The following PRDM1 variants were observed in gnomAD, a reference collection of about 807,000 sequenced individuals.
The protein encoded by PRDM1 is PR/SET domain 1, also known as PR domain zinc finger protein 1.
A neutral mutation model predicts 62.8 loss-of-function variants in PRDM1; 13 were observed. The observed-to-expected ratio is 0.21, with a 90% CI of 0.13 to 0.33. The LOEUF (loss-of-function observed/expected upper bound fraction) is 0.33, where lower values mean the gene tolerates loss of function less well. Ranked by LOEUF, PRDM1 falls within the 10% of genes least tolerant of loss-of-function variation. The pLI, the probability that PRDM1 is intolerant of heterozygous loss-of-function variation, is 1.00. For missense variants in PRDM1, 895 were observed against 1,058.8 expected, an observed-to-expected ratio of 0.85 and a Z score of 2.15; for synonymous variants, 396 against 417.6, an observed-to-expected ratio of 0.95 and a Z score of 0.63.
At chr6:106,053,620 A>T (rs1489255672) in intron 1 of PRDM1, among the ~76,000 whole-genome samples, 2 of 152,114 alleles carry the variant, frequency 1.3e-5, no homozygotes, top group Non-Finnish European at 2.9e-5. Flanking sequence ...AAATACACTT[A>T]TTGGCACCCA....
intron 1 of PRDM1, among the ~76,000 whole-genome samples, chr6:106,041,738 A>G (rs781392835): frequency 6.6e-6 from 1 of 152,032 alleles, no homozygotes; most frequent in African/African-American, 2.4e-5. Context: ...AACCATCCAT[A>G]ATTCCTCCAC....
chr6:106,085,662 C>T (rs1773780362), upstream of PRDM1, among the ~76,000 whole-genome samples: 1 of 152,186 alleles, frequency 6.6e-6, no homozygotes, highest in African/African-American at 2.4e-5. Flanking sequence ...TGTGAAACGA[C>T]TAATGCTCTA....
In PRDM1 at chr6:106,104,837, G is replaced by C. The variant is rs1450309746; in HGVS notation, c.677G>C (p.Ser226Thr). The part of the protein sequence containing the change: ...LTMMNLTQTQ[S>T]SLKQPSTEKN... ...TTCTTTATTTCAGCACAAACACAGA[G>C]CAGTCTAAAGCAACCGAGCACTGAG... Residue 226 changes from serine (S) to threonine (T), a missense_variant, in exon 5 of 7, where the codon AGC becomes ACC. By Grantham distance (58) the Ser-to-Thr change is moderately conservative. Transcript: ENST00000369096. 6.2e-7 allele frequency: 1 copy of C among 1,612,644 alleles called. No individual in the cohort carries two copies. The highest frequency in any genetic ancestry group is 2.2e-5 in the East Asian group (1 of 44,876).
upstream of PRDM1, among the ~76,000 whole-genome samples, chr6:106,083,382 GAAAAAAAAGTTCCTTTCGA>G (rs1773728125): frequency 6.7e-6 from 1 of 150,074 alleles, no homozygotes; most frequent in African/African-American, 2.5e-5. Context: ...TTTACCTTAG[GAAAAAAAAGTTCCTTTCGA>G]AAAAAAAAAT....
intron 1 of PRDM1, among the ~76,000 whole-genome samples, chr6:106,040,383 T>C (rs2114574782): frequency 6.6e-6 from 1 of 152,326 alleles, no homozygotes; most frequent in African/African-American, 2.4e-5. Flanking sequence ...TTAGCACACA[T>C]GAATACGAGC....
chr6:106,071,663 C>A (rs920271940), intron 1 of PRDM1, among the ~76,000 whole-genome samples: 7 of 152,146 alleles, frequency 4.6e-5, no homozygotes, highest in African/African-American at 1.7e-4. Context: ...AGGTCCTTGG[C>A]CTCATTATCC....
intron 1 of PRDM1, among the ~76,000 whole-genome samples, chr6:106,022,261 A>G (rs1219027474): frequency 6.6e-6 from 1 of 152,052 alleles, no homozygotes; most frequent in East Asian, 1.9e-4. Flanking sequence ...TAGTTCATTG[A>G]TTTAGGTTAG....
chr6:106,070,340 G>C (rs879872613), intron 1 of PRDM1, among the ~76,000 whole-genome samples: 2 of 152,088 alleles, frequency 1.3e-5, no homozygotes, highest in African/African-American at 4.8e-5. Context: ...TTTTGTATCT[G>C]CTTTTTTAAT....
chr6:106,004,868 C>T (rs1772465606), intron 1 of PRDM1, among the ~76,000 whole-genome samples: 1 of 152,048 alleles, frequency 6.6e-6, no homozygotes, highest in Admixed American at 6.6e-5. Context: ...GTATCCTTAT[C>T]AGTTTATCAA....
At chr6:106,043,365 CAT>C (rs1258617816) in intron 1 of PRDM1, among the ~76,000 whole-genome samples, 3 of 152,142 alleles carry the variant, frequency 2.0e-5, no homozygotes, top group African/African-American at 7.2e-5. Context: ...TGCTGAATAT[CAT>C]ATACCCACTG....
chr6:106,044,667 G>A (rs759006178), upstream of PRDM1, among the ~76,000 whole-genome samples: 2 of 152,130 alleles, frequency 1.3e-5, no homozygotes, highest in African/African-American at 4.8e-5. Context: ...TCCCATGCAG[G>A]TGAATGGATC....
At position 106,105,636 on chromosome 6, in the gene PRDM1, C is replaced by T; in HGVS notation, c.1476C>T (p.Pro492=). ...CCAGGGAGGTGCTTGTCCCGGCGCC[C>T]CACAGTGCCTTCTCCTTTACCGGGG... ...EHPREVLVPA[P]HSAFSFTGAA... The change falls in exon 5 of 7, where the codon CCC becomes CCT. Residue 492 remains proline, a synonymous_variant. Transcript: ENST00000369096. 6.2e-7 allele frequency: 1 copy of T among 1,613,312 alleles called. No individual in the cohort carries two copies. The highest frequency in any genetic ancestry group is 2.2e-5 in the East Asian group (1 of 44,822).
At chr6:106,003,830 T>A (rs1023793672) in intron 1 of PRDM1, among the ~76,000 whole-genome samples, 2 of 152,202 alleles carry the variant, frequency 1.3e-5, no homozygotes, top group African/African-American at 2.4e-5. Context: ...GACATGAGTG[T>A]ACTCGGTTCT....
intron 1 of PRDM1, among the ~76,000 whole-genome samples, chr6:105,996,832 A>G (rs1365244696): frequency 1.3e-5 from 2 of 152,198 alleles, no homozygotes; most frequent in African/African-American, 2.4e-5. Context: ...GTAGAATCCT[A>G]TGTTTCTGAC....
intron 1 of PRDM1, among the ~76,000 whole-genome samples, chr6:106,051,250 C>T (rs73516797): frequency 0.019 from 2,865 of 152,308 alleles, 105 homozygotes; most frequent in African/African-American, 0.064. Context: ...TAATAAGGTT[C>T]CTTGTTAATT....
In PRDM1 at chr6:106,069,582, A is replaced by G. The variant is rs77125693; in HGVS notation, c.-66-18619A>G. On this transcript the variant is annotated intron_variant, in intron 1 of 6. Coordinates refer to the PRDM1 transcript ENST00000651185. The stretch of plus-strand genomic sequence containing the variant: ...GATGACGGCATCGCCTCACTCTTCT[A>G]TGGTTTGGCAGCCCTCTCCACTGCT... Among the ~76,000 whole-genome samples the G allele has an allele frequency of 6.6e-3, 1,006 of 152,326 alleles. 8 individuals are homozygous for G. The highest frequency in any genetic ancestry group is 0.022 in the African/African-American group (918 of 41,576).
chr6:106,044,851 G>C (rs1434374958), upstream of PRDM1, among the ~76,000 whole-genome samples: 1 of 152,156 alleles, frequency 6.6e-6, no homozygotes, highest in South Asian at 2.1e-4. Context: ...GGCAGTGAAC[G>C]TCATTTTCAT....
rs747914409 is a variant in PRDM1 at position 106,105,601 on chromosome 6, C to T, written c.1441C>T (p.Pro481Ser). 2.5e-6 allele frequency: 4 copies of T among 1,613,240 alleles called. No homozygotes were observed. The highest frequency in any genetic ancestry group is 1.1e-5 in the South Asian group (1 of 91,050). The change falls in exon 5 of 7, where the codon CCG becomes TCG. Residue 481 changes from proline to serine, a missense_variant. By Grantham distance (74) the Pro-to-Ser change is moderately conservative. Coordinates refer to ENST00000369096, the MANE Select transcript of PRDM1 (RefSeq NM_001198.4). ...AGATGGAGCCCGGAGGTTGCTCCAG[C>T]CGGAGCATCCCAGGGAGGTGCTTGT... ...PSDGARRLLQPEHPREVLVPA... is the reference protein window; with the variant it reads ...PSDGARRLLQSEHPREVLVPA...
upstream of PRDM1, among the ~76,000 whole-genome samples, chr6:106,047,520 G>T (rs934450664): frequency 2.0e-5 from 3 of 152,188 alleles, no homozygotes; most frequent in South Asian, 2.1e-4. Context: ...ACAAGAATAG[G>T]ATGTAAAAAG....
Sources: allele counts gnomAD v4.1 joint callset (sites outside exome capture counted in the v4.1 genomes callset), GRCh38; gene constraint gnomAD v4.1.1; transcripts MANE v1.5; gene names NCBI Gene and HGNC (gene_info 2026-07-23, HGNC 2026-07-21).